Variants in FBXO40 observed in about 807,000 individuals in gnomAD.
FBXO40 encodes F-box protein 40, also known as F-box only protein 40.
FBXO40 carries 50 observed loss-of-function variants against 49.9 expected under a neutral mutation model. The observed-to-expected ratio is 1.00, with a 90% CI of 0.80 to 1.27. FBXO40 has a LOEUF of 1.27. FBXO40 is among the 50% of genes most tolerant of loss of function. The pLI is 0.00. For synonymous variants in FBXO40, 340 were observed against 320.2 expected (o/e 1.06, Z -0.66); for missense variants, 895 against 870.1 (o/e 1.03, Z -0.36).
intron 1 of FBXO40, among the ~76,000 whole-genome samples, chr3:121,618,681 C>T (rs1211822181): frequency 6.6e-6 from 1 of 151,732 alleles, no homozygotes; most frequent in African/African-American, 2.4e-5. Context: ...TAGGCTTGAG[C>T]CACCGCGCCT....
Position 121,627,590 on chromosome 3 carries a change from G to A in FBXO40, c.*680G>A, listed in dbSNP as rs1229929540. On this transcript the variant is annotated 3_prime_UTR_variant, in exon 4 of 4. Coordinates refer to ENST00000338040, the MANE Select transcript of FBXO40 (RefSeq NM_016298.4). ...CTAGAATCTTGGCAACATACAGCAG[G>A]AAAGCCTTGATAAATCGGGAGTCCA... The A allele has an allele frequency of 5.7e-6, 2 of 349,754 alleles. No individual in the cohort carries two copies. The highest frequency in any genetic ancestry group is 8.5e-5 in the East Asian group (2 of 23,408). 21.7% of individuals were successfully genotyped at this position (349,754 alleles called of 1,614,324 possible).
At chr3:121,610,886 C>G (rs1346733519) in intron 1 of FBXO40, among the ~76,000 whole-genome samples, 1 of 152,164 alleles carries the variant, frequency 6.6e-6, no homozygotes, top group Non-Finnish European at 1.5e-5. Flanking sequence ...AGTGATCTGC[C>G]AACCTTGGCT....
Position 121,620,338 on chromosome 3 carries a change from T to C in FBXO40, c.-30-208T>C, listed in dbSNP as rs148254654. 1.6e-3 allele frequency among the ~76,000 whole-genome samples: 241 copies of C among 152,338 alleles called. 1 individual carries two copies. Among genetic ancestry groups the C allele is most frequent in the African/African-American group, 5.1e-3 (210 of 41,580 alleles). ...GCCAGCATGGCCTGGATTACAAAGC[T>C]GATTCCATCACTTAGCAGCTGTGTG... On this transcript the variant is annotated intron_variant, in intron 1 of 3. Coordinates refer to ENST00000338040, the MANE Select transcript of FBXO40 (RefSeq NM_016298.4).
chr3:121,613,954 G>A (rs1477671115), intron 1 of FBXO40, among the ~76,000 whole-genome samples: 1 of 152,132 alleles, frequency 6.6e-6, no homozygotes, highest in Non-Finnish European at 1.5e-5. Context: ...CCAACATGGT[G>A]AAACACTGTC....
intron 1 of FBXO40, among the ~76,000 whole-genome samples, chr3:121,593,955 TC>T (rs2048856537): frequency 6.6e-6 from 1 of 152,036 alleles, no homozygotes; most frequent in South Asian, 2.1e-4. Context: ...AGCCCCTACC[TC>T]CCAGGTTCTA....
At chr3:121,594,621 T>C (rs2048862095) in intron 1 of FBXO40, among the ~76,000 whole-genome samples, 1 of 152,258 alleles carries the variant, frequency 6.6e-6, no homozygotes, top group Non-Finnish European at 1.5e-5. Flanking sequence ...ATACTACTGG[T>C]TAATAAGCAC....
chr3:121,608,180 G>T (rs1407852764), intron 1 of FBXO40, among the ~76,000 whole-genome samples: 1 of 152,160 alleles, frequency 6.6e-6, no homozygotes, highest in Non-Finnish European at 1.5e-5. Flanking sequence ...ATCAAAATGT[G>T]CTCTGCAATG....
chr3:121,607,460 C>T (rs1435490937), intron 1 of FBXO40, among the ~76,000 whole-genome samples: 1 of 151,516 alleles, frequency 6.6e-6, no homozygotes, highest in African/African-American at 2.4e-5. Flanking sequence ...CAGGCGCCCA[C>T]CACCACGCCC....
chr3:121,618,314 T>C (rs778313216), intron 1 of FBXO40, among the ~76,000 whole-genome samples: 7 of 151,842 alleles, frequency 4.6e-5, no homozygotes, highest in Non-Finnish European at 1.0e-4. Flanking sequence ...AAGTCTTTAT[T>C]CTTAGGAAGT....
chr3:121,608,831 T>C (rs2048949522), intron 1 of FBXO40, among the ~76,000 whole-genome samples: 1 of 152,190 alleles, frequency 6.6e-6, no homozygotes, highest in African/African-American at 2.4e-5. Context: ...TATTCCCCAA[T>C]TTTTGGACAA....
At chr3:121,607,924 A>G (rs6781825) in intron 1 of FBXO40, among the ~76,000 whole-genome samples, 44,270 of 152,160 alleles carry the variant, frequency 0.29, 7,773 homozygotes, top group African/African-American at 0.49. Context: ...AATGAGTGGA[A>G]TTATGAAAAT....
chr3:121,620,663 A>T (rs1030738285), intron 2 of FBXO40, 85 bp downstream of exon 2: 2 of 1,535,568 alleles, frequency 1.3e-6, no homozygotes, highest in Admixed American at 3.4e-5. Context: ...CAGCTAGCAG[A>T]CTTGCTCTTA....
At chr3:121,597,392 A>G (rs2048878002) in intron 1 of FBXO40, among the ~76,000 whole-genome samples, 1 of 152,182 alleles carries the variant, frequency 6.6e-6, no homozygotes, top group Admixed American at 6.5e-5. Flanking sequence ...GGAGGCTTAC[A>G]TTCTTAAAAG....
At chr3:121,618,701 C>T (rs1038756261) in intron 1 of FBXO40, among the ~76,000 whole-genome samples, 7 of 151,438 alleles carry the variant, frequency 4.6e-5, no homozygotes, top group Non-Finnish European at 7.4e-5. Flanking sequence ...TGGCTGGCAA[C>T]TTATTTTCAA....
At chr3:121,612,042 T>G (rs1179213112) in intron 1 of FBXO40, among the ~76,000 whole-genome samples, 1 of 152,224 alleles carries the variant, frequency 6.6e-6, no homozygotes, top group African/African-American at 2.4e-5. Flanking sequence ...ATGGAGTATC[T>G]TATGTCTTCC....
Position 121,622,805 on chromosome 3 carries a change from T to C in FBXO40, c.1376T>C (p.Leu459Pro). 6.2e-7 allele frequency: 1 copy of C among 1,614,130 alleles called. No homozygotes were observed. Among genetic ancestry groups the C allele is most frequent in the South Asian group, 1.1e-5 (1 of 91,084 alleles). The change falls in exon 3 of 4, where the codon CTC becomes CCC. Residue 459 changes from leucine (L) to proline (P), a missense_variant. By Grantham distance (98) the Leu-to-Pro change is moderately conservative (BLOSUM62 -3). Coordinates refer to ENST00000338040, the MANE Select transcript of FBXO40 (RefSeq NM_016298.4). ...ACCCCAGGGGGACTCCACGTGGAGC[T>C]CCACAGCGAGTGTGTGACCAGGAGA... is the stretch of plus-strand genomic sequence containing the variant. ...AATPGGLHVE[L>P]HSECVTRRHN...
chr3:121,603,628 G>A (rs2108845255), intron 1 of FBXO40, among the ~76,000 whole-genome samples: 1 of 152,352 alleles, frequency 6.6e-6, no homozygotes, highest in East Asian at 1.9e-4. Flanking sequence ...CAGACCATAA[G>A]TATTAACCTT....
At chr3:121,598,349 T>C (rs1311864378) in intron 1 of FBXO40, among the ~76,000 whole-genome samples, 1 of 152,226 alleles carries the variant, frequency 6.6e-6, no homozygotes, top group Non-Finnish European at 1.5e-5. Context: ...AAGTTTTAAG[T>C]TGGGGAGTAA....
chr3:121,623,401 A>G lies in FBXO40; in HGVS notation c.1914+58A>G, dbSNP rs988977058. 33 of 1,444,268 alleles carry G rather than the reference A, an allele frequency of 2.3e-5. No homozygotes were observed. The Admixed American group carries it at 3.6e-4, about 16-fold the overall frequency. 89.5% of individuals were successfully genotyped at this position (1,444,268 alleles called of 1,614,324 possible). On this transcript the variant is annotated intron_variant, in intron 3 of 3. Coordinates refer to ENST00000338040, the MANE Select transcript of FBXO40 (RefSeq NM_016298.4). ...TCAGCAATTTTTTGTTTCATTTTTTATAGACAGGTTCTCTCTCTGTTGCCC... is the reference window on the plus strand; with the variant it reads ...TCAGCAATTTTTTGTTTCATTTTTTGTAGACAGGTTCTCTCTCTGTTGCCC...
Sources: gnomAD v4.1 joint callset for allele counts (sites outside exome capture counted in the v4.1 genomes callset) on GRCh38, gnomAD v4.1.1 for gene constraint, MANE v1.5 for transcripts, NCBI Gene and HGNC (gene_info 2026-07-23, HGNC 2026-07-21) for gene names.